The following DUSP22 variants were observed in gnomAD, a reference collection of about 807,000 sequenced individuals.
DUSP22 encodes the protein dual specificity phosphatase 22, also known as dual specificity protein phosphatase 22.
In DUSP22, 24 loss-of-function variants were observed where a neutral mutation model predicts 24.5. The ratio of observed to expected loss-of-function variants is 0.98; its 90% CI spans 0.71 to 1.38. DUSP22 has a LOEUF of 1.38. Among genes scored for constraint, DUSP22 ranks in the 40% most tolerant of loss-of-function variants. The pLI is 0.00. For missense variants in DUSP22, 330 were observed against 269.2 expected, an observed-to-expected ratio of 1.23 and a Z score of -1.58; for synonymous variants, 160 against 106.4, an observed-to-expected ratio of 1.50 and a Z score of -3.10.
chr6:342,036 G>T (rs1759632390), intron 4 of DUSP22, among the ~76,000 whole-genome samples: 1 of 152,308 alleles, frequency 6.6e-6, no homozygotes, highest in Non-Finnish European at 1.5e-5. Context: ...TATAAGAAGT[G>T]GTCCCCACTC....
chr6:303,338 T>TA (rs1757670348), intron 1 of DUSP22, among the ~76,000 whole-genome samples: 1 of 152,306 alleles, frequency 6.6e-6, no homozygotes. Context: ...GTTTGGCCGA[T>TA]ACATTACGTG....
At position 344,900 on chromosome 6, in the gene DUSP22, G is replaced by C. The variant is rs536388678; in HGVS notation, c.189-954G>C. On this transcript the variant is annotated intron_variant, in intron 4 of 6. Transcript: ENST00000419235. The stretch of plus-strand genomic sequence containing the variant: ...CGACGTGGTCACCTTCCTCACCTGC[G>C]TCACGGTGGCCTGCACCATCCACAG... Among the ~76,000 whole-genome samples, 6 of 152,422 alleles carry C rather than the reference G, an allele frequency of 3.9e-5. No homozygotes were observed. In the South Asian group the frequency reaches 1.2e-3, roughly 32 times the overall value.
rs1287176979 is a variant in DUSP22, at chr6:348,859, G to C, written c.526G>C (p.Gly176Arg). Residue 176 changes from glycine to arginine, a missense_variant, in exon 7 of 7, where the codon GGG becomes CGG. Physicochemically the swap from Gly to Arg is moderately radical, Grantham distance 125 (BLOSUM62 -2). Coordinates refer to ENST00000419235, the MANE Select transcript of DUSP22 (RefSeq NM_001286555.3). ...CATTCTGGGTAAATATAAGGAGCAA[G>C]GGCGCACAGAGCCCCAGCCCGGCGC... is the stretch of plus-strand genomic sequence containing the variant. ...KNILGKYKEQGRTEPQPGARR... is the reference protein window; with the variant it reads ...KNILGKYKEQRRTEPQPGARR... 6.2e-7 allele frequency: 1 copy of C among 1,614,192 alleles called. No homozygotes were observed. The highest frequency in any genetic ancestry group is 1.3e-5 in the African/African-American group (1 of 74,968).
At chr6:336,428 G>T (rs1759365389) in intron 4 of DUSP22, among the ~76,000 whole-genome samples, 1 of 152,310 alleles carries the variant, frequency 6.6e-6, no homozygotes, top group Admixed American at 6.5e-5. Context: ...CAATGTTCAG[G>T]ACCCTAGGTG....
intron 2 of DUSP22, among the ~76,000 whole-genome samples, chr6:306,306 T>G (rs1757811367): frequency 6.6e-6 from 1 of 152,302 alleles, no homozygotes; most frequent in South Asian, 2.1e-4. Flanking sequence ...TCAACACTTC[T>G]GACAACAGTA....
Position 349,152 on chromosome 6 carries a change from G to A in DUSP22, c.*201G>A, listed in dbSNP as rs1454172984. On this transcript the variant is annotated 3_prime_UTR_variant, in exon 7 of 7. Transcript: ENST00000419235. ...GCCCACCCCTACCCTGGCTGCACCT[G>A]AGCTTGCTGCCCCTGGGGATGTTGC... The A allele has an allele frequency of 1.4e-6, 2 of 1,434,996 alleles. No individual in the cohort carries two copies. Among genetic ancestry groups the A allele is most frequent in the East Asian group, 2.5e-5 (1 of 39,696 alleles). 88.9% of individuals were successfully genotyped at this position (1,434,996 alleles called of 1,614,324 possible). A position where few individuals can be genotyped will look rare whatever the true frequency, so the allele number is the denominator to read the frequency against.
chr6:303,135 A>T (rs1485599776), intron 1 of DUSP22, among the ~76,000 whole-genome samples: 2 of 152,300 alleles, frequency 1.3e-5, no homozygotes, highest in Non-Finnish European at 2.9e-5. Flanking sequence ...AAAAGGCAGG[A>T]GAGACCCTCG....
chr6:333,925 A>G (rs770805406), intron 3 of DUSP22, among the ~76,000 whole-genome samples: 42 of 152,292 alleles, frequency 2.8e-4, no homozygotes, highest in Non-Finnish European at 5.4e-4. Context: ...AGGACTCACA[A>G]TGTCAGGGGC....
intron 3 of DUSP22, among the ~76,000 whole-genome samples, chr6:328,390 T>G (rs1190841411): frequency 4.6e-5 from 7 of 152,300 alleles, no homozygotes; most frequent in Non-Finnish European, 1.0e-4. Flanking sequence ...CGTGCCCACT[T>G]TAGCCTTGCA....
intron 3 of DUSP22, among the ~76,000 whole-genome samples, chr6:330,046 G>A (rs867076005): frequency 6.6e-6 from 1 of 152,300 alleles, no homozygotes; most frequent in African/African-American, 2.4e-5. Context: ...GTGTGTACAG[G>A]GGCCACACAG....
intron 3 of DUSP22, among the ~76,000 whole-genome samples, chr6:314,752 A>G (rs1758266354): frequency 6.6e-6 from 1 of 152,300 alleles, no homozygotes; most frequent in Non-Finnish European, 1.5e-5. Flanking sequence ...TGTGCCTCCT[A>G]CTGAGACCCC....
chr6:295,954 A>G (rs1210007460), intron 1 of DUSP22, among the ~76,000 whole-genome samples: 2 of 152,282 alleles, frequency 1.3e-5, no homozygotes, highest in Admixed American at 6.5e-5. Context: ...TAGGTAGCAT[A>G]AGTAATGCCA....
At chr6:327,060 A>T (rs986770282) in intron 3 of DUSP22, among the ~76,000 whole-genome samples, 9 of 152,296 alleles carry the variant, frequency 5.9e-5, no homozygotes, top group African/African-American at 2.2e-4. Context: ...GGCCACAGAC[A>T]ATACGTGAAT....
intron 1 of DUSP22, among the ~76,000 whole-genome samples, chr6:299,550 T>C (rs1757488852): frequency 6.6e-6 from 1 of 152,306 alleles, no homozygotes; most frequent in African/African-American, 2.4e-5. Context: ...ATACTGTGAC[T>C]ACAGAGAGGG....
intron 2 of DUSP22, among the ~76,000 whole-genome samples, chr6:310,419 C>A (rs1458814859): frequency 6.6e-6 from 1 of 152,298 alleles, no homozygotes; most frequent in Non-Finnish European, 1.5e-5. Flanking sequence ...ACCATTTGGT[C>A]TTCTTTTTGC....
chr6:310,488 A>G (rs1177589045), intron 2 of DUSP22, among the ~76,000 whole-genome samples: 1 of 152,300 alleles, frequency 6.6e-6, no homozygotes, highest in Non-Finnish European at 1.5e-5. Flanking sequence ...ATATGGAGAT[A>G]ATTTAATAGC....
At chr6:294,366 A>G (rs1174430791) in intron 1 of DUSP22, among the ~76,000 whole-genome samples, 2 of 152,286 alleles carry the variant, frequency 1.3e-5, no homozygotes, top group Admixed American at 6.5e-5. Flanking sequence ...GAGGGGGCAA[A>G]GGGAGTACAG....
At chr6:292,693 GGC>G in intron 1 of DUSP22, 133 bp downstream of exon 1, 2 of 1,296,872 alleles carry the variant, frequency 1.5e-6, no homozygotes, top group South Asian at 1.6e-5. Flanking sequence ...AGGGAGGGGC[GGC>G]GCGCCTGGGC....
intron 1 of DUSP22, among the ~76,000 whole-genome samples, chr6:300,499 A>G (rs1286193815): frequency 1.3e-5 from 2 of 152,310 alleles, no homozygotes; most frequent in Non-Finnish European, 1.5e-5. Flanking sequence ...GCAGGAATTC[A>G]GAAGGGAGAC....
Sources: allele counts gnomAD v4.1 joint callset (sites outside exome capture counted in the v4.1 genomes callset), GRCh38; gene constraint gnomAD v4.1.1; transcripts MANE v1.5; gene names NCBI Gene and HGNC (gene_info 2026-07-23, HGNC 2026-07-21).